The following EFL1 variants were observed in gnomAD, a reference collection of about 807,000 sequenced individuals.
EFL1 encodes elongation factor like GTPase 1.
A neutral mutation model predicts 126.7 loss-of-function variants in EFL1; 76 were observed. The observed-to-expected ratio is 0.60, with a 90% CI of 0.50 to 0.73. The LOEUF is 0.73. EFL1 is among the 30% of genes least tolerant of loss of function. EFL1 has a pLI of 0.00. For synonymous variants in EFL1, 410 were observed against 448.4 expected (o/e 0.91, Z 1.08); for missense variants, 1,128 against 1,343.2 (o/e 0.84, Z 2.50).
At chr15:82,213,687 G>A (rs1472395483) in intron 15 of EFL1, among the ~76,000 whole-genome samples, 4 of 152,178 alleles carry the variant, frequency 2.6e-5, no homozygotes, top group Non-Finnish European at 5.9e-5. Context: ...CTCAAGGAAG[G>A]CTTATGAACA....
chr15:82,163,774 T>G (rs1486868172), intron 16 of EFL1, 79 bp downstream of exon 16: 1 of 1,506,524 alleles, frequency 6.6e-7, no homozygotes, highest in East Asian at 2.4e-5. Context: ...AAACAAGTCA[T>G]GAGGAATCAA....
chr15:82,143,531 T>C (rs2073811089), intron 18 of EFL1, among the ~76,000 whole-genome samples: 1 of 152,204 alleles, frequency 6.6e-6, no homozygotes, highest in Middle Eastern at 3.2e-3. Flanking sequence ...AACCTCTTCC[T>C]TTTGTCACAG....
intron 15 of EFL1, among the ~76,000 whole-genome samples, chr15:82,189,714 A>G (rs904673556): frequency 1.3e-5 from 2 of 152,102 alleles, no homozygotes; most frequent in African/African-American, 4.8e-5. Flanking sequence ...ATTCTCTCTT[A>G]TTATTCTTCC....
intron 15 of EFL1, among the ~76,000 whole-genome samples, chr15:82,179,608 G>A (rs2074228989): frequency 6.6e-6 from 1 of 152,018 alleles, no homozygotes; most frequent in African/African-American, 2.4e-5. Context: ...CAGATAAGAA[G>A]GCTATATTTT....
chr15:82,211,760 T>C (rs2074593449), intron 15 of EFL1, among the ~76,000 whole-genome samples: 1 of 152,106 alleles, frequency 6.6e-6, no homozygotes, highest in African/African-American at 2.4e-5. Context: ...AAGTAAAATT[T>C]GCCTAAAAAA....
chr15:82,252,352 C>T (rs1056265528), intron 4 of EFL1, among the ~76,000 whole-genome samples: 5 of 152,224 alleles, frequency 3.3e-5, no homozygotes, highest in African/African-American at 9.6e-5. Context: ...CTTTAATCTA[C>T]TCCAAATCTA....
chr15:82,205,029 G>A (rs952859844), intron 15 of EFL1, among the ~76,000 whole-genome samples: 8 of 152,214 alleles, frequency 5.3e-5, no homozygotes, highest in African/African-American at 9.6e-5. Flanking sequence ...CCTATCAGCT[G>A]AGTTTGCAGG....
At chr15:82,169,876 C>T (rs189426696) in intron 15 of EFL1, among the ~76,000 whole-genome samples, 33 of 152,240 alleles carry the variant, frequency 2.2e-4, no homozygotes, top group South Asian at 4.1e-4. Flanking sequence ...AGCACAGTTG[C>T]GGTCTTCACA....
intron 7 of EFL1, among the ~76,000 whole-genome samples, chr15:82,231,789 C>T (rs750163617): frequency 6.6e-6 from 1 of 152,168 alleles, no homozygotes; most frequent in Non-Finnish European, 1.5e-5. Context: ...TATCTTTGTT[C>T]ACACGTGACT....
intron 15 of EFL1, among the ~76,000 whole-genome samples, chr15:82,176,705 C>A (rs564090101): frequency 1.3e-5 from 2 of 152,174 alleles, no homozygotes; most frequent in Admixed American, 1.3e-4. Context: ...CTTTCAGATA[C>A]CCCTGGTGGA....
In EFL1 at chr15:82,240,445, A is replaced by C. The variant is rs1353072318; in HGVS notation, c.489T>G (p.Tyr163Ter). Reference protein sequence around the residue: ...VELKFTPQEAYSHLKNILEQI... With the variant: ...VELKFTPQEA ...GTTCTAAAATATTCTTGAGGTGAGA[A>C]TAGGCCTCTTGTGGGGTGAATTTCA... Residue 163 changes from tyrosine to a stop codon, truncating the protein, a stop_gained, in exon 6 of 20, where the codon TAT becomes TAG. Transcript: ENST00000268206. LOFTEE classifies it high-confidence loss of function. 2 of 1,611,070 alleles carry C rather than the reference A, an allele frequency of 1.2e-6. No individual in the cohort carries two copies. Among genetic ancestry groups the C allele is most frequent in the Non-Finnish European group, 1.7e-6 (2 of 1,178,238 alleles).
intron 15 of EFL1, among the ~76,000 whole-genome samples, chr15:82,171,595 G>GA (rs2074136269): frequency 6.6e-6 from 1 of 152,176 alleles, no homozygotes; most frequent in African/African-American, 2.4e-5. Flanking sequence ...CATAAAACCT[G>GA]AAAGCACAAA....
intron 7 of EFL1, among the ~76,000 whole-genome samples, chr15:82,231,335 G>T (rs1286663913): frequency 1.3e-5 from 2 of 152,090 alleles, no homozygotes; most frequent in Non-Finnish European, 2.9e-5. Context: ...TTTTATTTCA[G>T]CTACTCACTG....
At chr15:82,140,481 T>C (rs998383993) in intron 18 of EFL1, among the ~76,000 whole-genome samples, 2 of 152,238 alleles carry the variant, frequency 1.3e-5, no homozygotes, top group Non-Finnish European at 2.9e-5. Context: ...CAGTATCTCC[T>C]GAACTTCTTC....
At chr15:82,238,152 G>A (rs1237200367) in intron 7 of EFL1, among the ~76,000 whole-genome samples, 155 bp downstream of exon 7, 2 of 152,140 alleles carry the variant, frequency 1.3e-5, no homozygotes, top group African/African-American at 4.8e-5. Context: ...ATGGATAGGA[G>A]GCAGTTACTG....
chr15:82,161,463 CAT>C lies in EFL1; in HGVS notation c.1882+2388_1882+2389del, dbSNP rs1469771376. 2.0e-5 allele frequency among the ~76,000 whole-genome samples: 3 copies of C among 152,114 alleles called. No individual in the cohort carries two copies. The East Asian group carries it at 5.8e-4, about 29-fold the overall frequency. On this transcript the variant is annotated intron_variant, in intron 16 of 19. Coordinates refer to ENST00000268206, the MANE Select transcript of EFL1 (RefSeq NM_024580.6). ...CCCAGACATTCTGAATGTAAAATAA[CAT>C]GTGGACAATGTAAAAACACCAAGAA...
intron 19 of EFL1, among the ~76,000 whole-genome samples, chr15:82,136,339 C>G (rs2073722107): frequency 6.6e-6 from 1 of 152,162 alleles, no homozygotes; most frequent in Non-Finnish European, 1.5e-5. Flanking sequence ...GTTTTATGCA[C>G]AAGTGTTAAT....
intron 12 of EFL1, among the ~76,000 whole-genome samples, chr15:82,224,700 G>A (rs538230728): frequency 2.2e-4 from 34 of 152,232 alleles, no homozygotes; most frequent in Non-Finnish European, 4.7e-4. Flanking sequence ...AACAGGAAAT[G>A]TAGAAGACAC....
chr15:82,150,838 T>C (rs993955124), intron 18 of EFL1, among the ~76,000 whole-genome samples: 1 of 152,242 alleles, frequency 6.6e-6, no homozygotes, highest in African/African-American at 2.4e-5. Context: ...TTACCCAGAC[T>C]GATATGGTTA....
Sources: gnomAD v4.1 joint callset for allele counts (sites outside exome capture counted in the v4.1 genomes callset) on GRCh38, gnomAD v4.1.1 for gene constraint, MANE v1.5 for transcripts, NCBI Gene and HGNC (gene_info 2026-07-23, HGNC 2026-07-21) for gene names.